Variants in FRG2B observed in about 807,000 individuals in gnomAD.
FRG2B encodes the protein FSHD region gene 2 family member B, also known as protein FRG2-like-1.
For synonymous variants in FRG2B, 33 were observed against 117.1 expected (o/e 0.28, Z 4.64); for missense variants, 95 against 310.7 (o/e 0.31, Z 5.22).
In FRG2B at chr10:133,625,116, C is replaced by T. The variant is rs906187701; in HGVS notation, c.820G>A (p.Asp274Asn). ...QEITETVSGS[D>N]EAKL ...CAGGGTGCTCACAGCTTAGCCTCAT[C>T]TGATCCACTGACAGTCTCAGTTATC... Residue 274 changes from aspartate to asparagine, a missense_variant, in exon 4 of 4, where the codon GAT (aspartate) becomes AAT (asparagine). By Grantham distance (23) the Asp-to-Asn change is conservative. Transcript: ENST00000425520. The T allele has an allele frequency of 3.0e-5, 23 of 772,930 alleles. No individual in the cohort carries two copies. In the Admixed American group the frequency reaches 3.3e-4, roughly 11 times the overall value. 47.9% of individuals were successfully genotyped at this position (772,930 alleles called of 1,614,324 possible).
chr10:133,625,858 G>A, intron 3 of FRG2B, 64 bp downstream of exon 3: 3 of 1,380,354 alleles, frequency 2.2e-6, no homozygotes, highest in Non-Finnish European at 3.0e-6. Flanking sequence ...CTGATTATTT[G>A]CCTTTTGGGG....
At position 133,624,807 on chromosome 10, in the gene FRG2B, G is replaced by C. The variant is rs1481724183; in HGVS notation, c.*292C>G. On this transcript the variant is annotated 3_prime_UTR_variant, in exon 4 of 4. Transcript: ENST00000425520. ...TGCAAATTCACGATTACATTCTAAT[G>C]TTTTTCTGATTATATAGAAATGCAT... 1 of 174,834 alleles carries C rather than the reference G, an allele frequency of 5.7e-6. No individual in the cohort carries two copies. The highest frequency in any genetic ancestry group is 3.0e-5 in the African/African-American group (1 of 32,952). 10.8% of individuals were successfully genotyped at this position (174,834 alleles called of 1,614,324 possible). A position where few individuals can be genotyped will look rare whatever the true frequency, so the allele number is the denominator to read the frequency against.
At position 133,625,570 on chromosome 10, in the gene FRG2B, C is replaced by T. The variant is rs867318126; in HGVS notation, c.366G>A (p.Leu122=). ...NCPEKECSLS[L]NKKSRSSTPV... ...GAGTGGAGGATCTTGATTTTTTATT[C>T]AATGACAAGCTGCACTCCTTTTCTG... The change falls in exon 4 of 4, where the codon TTG becomes TTA. Residue 122 remains leucine, a synonymous_variant. Transcript: ENST00000425520. 1.3e-6 allele frequency: 2 copies of T among 1,578,730 alleles called. No individual in the cohort carries two copies. Among genetic ancestry groups the T allele is most frequent in the East Asian group, 2.4e-5 (1 of 42,452 alleles).
chr10:133,625,889 C>T (rs1264127230), intron 3 of FRG2B, 33 bp downstream of exon 3: 1 of 1,456,124 alleles, frequency 6.9e-7, no homozygotes, highest in African/African-American at 1.7e-5. Flanking sequence ...ACAAAAAAAC[C>T]ACCACCAACA....
rs1032643686 is a variant in FRG2B, at chr10:133,624,021, A to G, written c.*1078T>C. 8.2e-6 allele frequency: 1 copy of G among 122,648 alleles called. No homozygotes were observed. Among genetic ancestry groups the G allele is most frequent in the Admixed American group, 9.4e-5 (1 of 10,680 alleles). The allele number at this position is 122,648 out of a possible 1,614,324, so 7.6% of individuals were successfully genotyped here. Reference sequence around the variant, plus strand: ...GCAACCAAACAATTAATACACTTAGATAATGAAATAGTGTATGATCTCAGT... The same window carrying G: ...GCAACCAAACAATTAATACACTTAGGTAATGAAATAGTGTATGATCTCAGT... On this transcript the variant is annotated 3_prime_UTR_variant, in exon 4 of 4. Coordinates refer to ENST00000425520, the MANE Select transcript of FRG2B (RefSeq NM_001080998.2).
At position 133,625,612 on chromosome 10, in the gene FRG2B, G is replaced by C. The variant is rs751026122; in HGVS notation, c.332-8C>G. 1.3e-5 allele frequency: 20 copies of C among 1,569,168 alleles called. No individual in the cohort carries two copies. The African/African-American group carries it at 2.7e-4, about 21-fold the overall frequency. Reference sequence around the variant, plus strand: ...CCTTTTCTGGACAGTTCCCTGCAAAGAAAGCATGTGAGAGACTCACCAGAG... The same window carrying C: ...CCTTTTCTGGACAGTTCCCTGCAAACAAAGCATGTGAGAGACTCACCAGAG... On this transcript the variant is annotated splice_region_variant and splice_polypyrimidine_tract_variant and intron_variant, in intron 3 of 3. Transcript: ENST00000425520.
At position 133,625,429 on chromosome 10, in the gene FRG2B, C is replaced by T. The variant is rs200793608; in HGVS notation, c.507G>A (p.Pro169=). 4.8e-5 allele frequency: 77 copies of T among 1,610,286 alleles called. No individual in the cohort carries two copies. Among genetic ancestry groups the T allele is most frequent in the South Asian group, 3.3e-5 (3 of 90,182 alleles). The part of the protein sequence containing the change: ...HRSRALGVQT[P]SIRKSLVTSV... ...AGGTCACCAAGCTTTTTCGAATTGACGGTGTTTGGACTCCTAGGGCCCGAG... is the reference window on the plus strand; with the variant it reads ...AGGTCACCAAGCTTTTTCGAATTGATGGTGTTTGGACTCCTAGGGCCCGAG... The change falls in exon 4 of 4, where the codon CCG becomes CCA. Residue 169 remains proline, a synonymous_variant. Coordinates refer to ENST00000425520, the MANE Select transcript of FRG2B (RefSeq NM_001080998.2).
chr10:133,625,581 T>G lies in FRG2B; in HGVS notation c.355A>C (p.Ser119Arg). The change falls in exon 4 of 4, where the codon AGC (serine) becomes CGC (arginine). Residue 119 changes from serine to arginine, a missense_variant. Coordinates refer to ENST00000425520, the MANE Select transcript of FRG2B (RefSeq NM_001080998.2). Reference protein sequence around the residue: ...TAGNCPEKECSLSLNKKSRSS... With the variant: ...TAGNCPEKECRLSLNKKSRSS... ...CTTGATTTTTTATTCAATGACAAGC[T>G]GCACTCCTTTTCTGGACAGTTCCCT... 6.3e-7 allele frequency: 1 copy of G among 1,578,376 alleles called. No individual in the cohort carries two copies. The highest frequency in any genetic ancestry group is 8.6e-7 in the Non-Finnish European group (1 of 1,164,148).
rs373453908 is a variant in FRG2B at position 133,625,395 on chromosome 10, C to T, written c.541G>A (p.Ala181Thr). 1.9e-6 allele frequency: 3 copies of T among 1,609,352 alleles called. No individual in the cohort carries two copies. The highest frequency in any genetic ancestry group is 2.5e-6 in the Non-Finnish European group (3 of 1,178,790). Residue 181 changes from alanine (A) to threonine (T), a missense_variant, in exon 4 of 4, where the codon GCT becomes ACT. Physicochemically the swap from Ala to Thr is moderately conservative, Grantham distance 58. Transcript: ENST00000425520. ...IRKSLVTSVR[A>T]MSEAVYQDLA... ...TCTTGATAAACAGCCTCTGACATAG[C>T]TCGCACAGAGGTCACCAAGCTTTTT...
chr10:133,625,085 T>G lies in FRG2B; in HGVS notation c.*14A>C. 7.0e-6 allele frequency: 4 copies of G among 568,890 alleles called. 1 individual carries two copies. Among genetic ancestry groups the G allele is most frequent in the Non-Finnish European group, 1.1e-5 (4 of 359,846 alleles). 35.2% of individuals were successfully genotyped at this position (568,890 alleles called of 1,614,324 possible). Reference sequence around the variant, plus strand: ...TTCCCAGAGCTGCATCTCTGCTGAATAGGGTCAGGGTGCTCACAGCTTAGC... The same window carrying G: ...TTCCCAGAGCTGCATCTCTGCTGAAGAGGGTCAGGGTGCTCACAGCTTAGC... On this transcript the variant is annotated 3_prime_UTR_variant, in exon 4 of 4. Coordinates refer to ENST00000425520, the MANE Select transcript of FRG2B (RefSeq NM_001080998.2).
intron 3 of FRG2B, 31 bp downstream of exon 3, chr10:133,625,890 AC>A (rs1852500271): frequency 6.8e-7 from 1 of 1,464,796 alleles, no homozygotes; most frequent in African/African-American, 1.6e-5. Flanking sequence ...CAAAAAAACC[AC>A]CACCAACAAC....
In FRG2B at chr10:133,624,433, A is replaced by G. The variant is rs1852481802; in HGVS notation, c.*666T>C. 1 of 94,158 alleles carries G rather than the reference A, an allele frequency of 1.1e-5. No homozygotes were observed. Among genetic ancestry groups the G allele is most frequent in the Non-Finnish European group, 1.9e-5 (1 of 53,890 alleles). The allele number at this position is 94,158 out of a possible 1,614,324, so 5.8% of individuals were successfully genotyped here. Reference sequence around the variant, plus strand: ...CCTACAACCTTTTCTGGATTAAAAGAGAAGCAATTTCTTGGTAAGGCGGCT... The same window carrying G: ...CCTACAACCTTTTCTGGATTAAAAGGGAAGCAATTTCTTGGTAAGGCGGCT... On this transcript the variant is annotated 3_prime_UTR_variant, in exon 4 of 4. Transcript: ENST00000425520.
chr10:133,625,612 G>A lies in FRG2B; in HGVS notation c.332-8C>T. ...CCTTTTCTGGACAGTTCCCTGCAAA[G>A]AAAGCATGTGAGAGACTCACCAGAG... is the stretch of plus-strand genomic sequence containing the variant. On this transcript the variant is annotated splice_region_variant and splice_polypyrimidine_tract_variant and intron_variant, in intron 3 of 3. Transcript: ENST00000425520. 1 of 1,569,306 alleles carries A rather than the reference G, an allele frequency of 6.4e-7. No individual in the cohort carries two copies.
chr10:133,625,765 A>G (rs113512878), intron 3 of FRG2B, among the ~76,000 whole-genome samples, 157 bp downstream of exon 3: 1 of 152,242 alleles, frequency 6.6e-6, no homozygotes, highest in Admixed American at 6.5e-5. Context: ...TGAGTCCCCA[A>G]ATATTCTCAG....
rs759962908 is a variant in FRG2B, at chr10:133,625,504, G to C, written c.432C>G (p.His144Gln). The C allele has an allele frequency of 6.2e-7, 1 of 1,610,088 alleles. No homozygotes were observed. Among genetic ancestry groups the C allele is most frequent in the South Asian group, 1.1e-5 (1 of 90,172 alleles). Reference sequence around the variant, plus strand: ...TGCAAGCCCTGGAACGTCCCCTATGGTGGGCATCACAGGTCTCCTGGATTT... The same window carrying C: ...TGCAAGCCCTGGAACGTCCCCTATGCTGGGCATCACAGGTCTCCTGGATTT... ...NSEIQETCDA[H>Q]HRGRSRACTG... Residue 144 changes from histidine (H) to glutamine (Q), a missense_variant, in exon 4 of 4, where the codon CAC (histidine) becomes CAG (glutamine). Physicochemically the swap from His to Gln is conservative, Grantham distance 24. Coordinates refer to ENST00000425520, the MANE Select transcript of FRG2B (RefSeq NM_001080998.2).
In FRG2B at chr10:133,623,955, A is replaced by C. The variant is rs1248230676; in HGVS notation, c.*1144T>G. 6.8e-6 allele frequency: 1 copy of C among 147,982 alleles called. No homozygotes were observed. Among genetic ancestry groups the C allele is most frequent in the Admixed American group, 6.9e-5 (1 of 14,584 alleles). 9.2% of individuals were successfully genotyped at this position (147,982 alleles called of 1,614,324 possible). On this transcript the variant is annotated 3_prime_UTR_variant, in exon 4 of 4. Coordinates refer to ENST00000425520, the MANE Select transcript of FRG2B (RefSeq NM_001080998.2). ...ATATGAAAGAAATTTAAAATTCCAA[A>C]CAACATTGTTTATTTCATTACATAA... is the stretch of plus-strand genomic sequence containing the variant.
rs370297187 is a variant in FRG2B, at chr10:133,625,422, G to A, written c.514C>T (p.Arg172Ter). The A allele has an allele frequency of 2.9e-5, 47 of 1,609,754 alleles. No homozygotes were observed. Among genetic ancestry groups the A allele is most frequent in the Non-Finnish European group, 3.7e-5 (44 of 1,178,634 alleles). The change falls in exon 4 of 4, where the codon CGA (arginine) becomes TGA (stop). Residue 172 changes from arginine to a stop codon, truncating the protein, a stop_gained. Coordinates refer to ENST00000425520, the MANE Select transcript of FRG2B (RefSeq NM_001080998.2). LOFTEE classifies it low-confidence loss of function (END_TRUNC). ...CGCACAGAGGTCACCAAGCTTTTTC[G>A]AATTGACGGTGTTTGGACTCCTAGG... ...RALGVQTPSI[R>*]KSLVTSVRAM...
At position 133,625,465 on chromosome 10, in the gene FRG2B, C is replaced by G; in HGVS notation, c.471G>C (p.Lys157Asn). 6.2e-7 allele frequency: 1 copy of G among 1,611,906 alleles called. No individual in the cohort carries two copies. Among genetic ancestry groups the G allele is most frequent in the Non-Finnish European group, 8.5e-7 (1 of 1,179,450 alleles). The change falls in exon 4 of 4, where the codon AAG (lysine) becomes AAC (asparagine). Residue 157 changes from lysine (K) to asparagine (N), a missense_variant. Transcript: ENST00000425520. ...CTCCTAGGGCCCGAGACCTATGCCG[C>G]TTGCTGCGCCCAGTGCAAGCCCTGG... ...GRSRACTGRS[K>N]RHRSRALGVQ... is the part of the protein sequence containing the mutation.
rs983593192 is a variant in FRG2B at position 133,624,478 on chromosome 10, C to G, written c.*621G>C. 2.2e-5 allele frequency: 2 copies of G among 90,576 alleles called. No individual in the cohort carries two copies. The highest frequency in any genetic ancestry group is 3.9e-5 in the Non-Finnish European group (2 of 51,284). The allele number at this position is 90,576 out of a possible 1,614,324, so 5.6% of individuals were successfully genotyped here. A position where few individuals can be genotyped will look rare whatever the true frequency, so the allele number is the denominator to read the frequency against. ...GCGGCTCATGCCTGTAATCCCAGCA[C>G]GTTGGGAGGCGGAGGCTGGCAGATC... On this transcript the variant is annotated 3_prime_UTR_variant, in exon 4 of 4. Transcript: ENST00000425520.
Sources: allele counts gnomAD v4.1 joint callset (sites outside exome capture counted in the v4.1 genomes callset), GRCh38; gene constraint gnomAD v4.1.1; transcripts MANE v1.5; gene names NCBI Gene and HGNC (gene_info 2026-07-23, HGNC 2026-07-21).